PARPBP: variants seen among roughly 807,000 people sequenced by gnomAD.
PARPBP encodes the protein PCNA-interacting partner.
Under a neutral mutation model 50.0 loss-of-function variants are expected in PARPBP, and 52 were observed. The ratio of observed to expected loss-of-function variants is 1.04; its 90% confidence interval spans 0.83 to 1.31. PARPBP has a LOEUF of 1.31. Among genes scored for constraint, PARPBP ranks in the 50% most tolerant of loss-of-function variants. PARPBP has a pLI of 0.00. For missense variants in PARPBP, 697 were observed against 672.0 expected (o/e 1.04, Z -0.41); for synonymous variants, 244 against 232.1 (o/e 1.05, Z -0.47).
At chr12:102,144,289 C>G (rs1324968513) in intron 2 of PARPBP, among the ~76,000 whole-genome samples, 1 of 152,130 alleles carries the variant, frequency 6.6e-6, no homozygotes, top group African/African-American at 2.4e-5. Context: ...ATATGTAACT[C>G]TTGATTTTCT....
At chr12:102,155,865 C>T (rs758468238) in intron 4 of PARPBP, among the ~76,000 whole-genome samples, 1 of 152,230 alleles carries the variant, frequency 6.6e-6, no homozygotes, top group Non-Finnish European at 1.5e-5. Flanking sequence ...CTCATTGCTG[C>T]TCCCAAGCGG....
chr12:102,146,907 G>A (rs899465484), intron 2 of PARPBP, among the ~76,000 whole-genome samples: 14 of 152,220 alleles, frequency 9.2e-5, no homozygotes, highest in African/African-American at 2.6e-4. Flanking sequence ...AGTGGGCAAA[G>A]GACATGAACA....
chr12:102,157,849 G>A (rs1038895066), intron 4 of PARPBP, among the ~76,000 whole-genome samples: 2 of 151,780 alleles, frequency 1.3e-5, no homozygotes, highest in Admixed American at 6.6e-5. Flanking sequence ...GGCCAGGCAC[G>A]GTGGCTCACG....
chr12:102,185,944 C>T (rs532418370), intron 9 of PARPBP, among the ~76,000 whole-genome samples: 10 of 152,002 alleles, frequency 6.6e-5, no homozygotes, highest in Non-Finnish European at 1.3e-4. Flanking sequence ...ATGAGCCACC[C>T]GGCCCAGCTG....
At chr12:102,175,412 A>G (rs1397943695) in intron 6 of PARPBP, 71 bp from the exon 7 acceptor site, 4 of 959,080 alleles carry the variant, frequency 4.2e-6, no homozygotes, top group Admixed American at 2.4e-5. Flanking sequence ...TCTGAAAATT[A>G]TATTTTCAAG....
intron 2 of PARPBP, 102 bp from the exon 3 acceptor site, chr12:102,148,128 A>C (rs548217913): frequency 1.8e-6 from 1 of 544,040 alleles, no homozygotes; most frequent in Non-Finnish European, 3.1e-6. Context: ...TTGAATGTAG[A>C]CTTTACCAAA....
chr12:102,128,072 C>T (rs1397960575), intron 2 of PARPBP, among the ~76,000 whole-genome samples: 1 of 152,098 alleles, frequency 6.6e-6, no homozygotes, highest in Non-Finnish European at 1.5e-5. Context: ...AAGGATACAA[C>T]AGTGTTATTA....
chr12:102,121,637 TC>T (rs1295806491), intron 1 of PARPBP, among the ~76,000 whole-genome samples: 1 of 147,566 alleles, frequency 6.8e-6, no homozygotes, highest in Non-Finnish European at 1.5e-5. Context: ...CACTGCAACT[TC>T]CGCCTCCCTG....
At chr12:102,195,488 C>G (rs373801164) in intron 10 of PARPBP, 41 bp downstream of exon 10, 1 of 1,429,474 alleles carries the variant, frequency 7.0e-7, no homozygotes, top group Non-Finnish European at 9.7e-7. Context: ...CAATTTAATT[C>G]TAGTCTACTA....
At chr12:102,139,976 A>G (rs1290781982) in intron 2 of PARPBP, among the ~76,000 whole-genome samples, 2 of 152,200 alleles carry the variant, frequency 1.3e-5, no homozygotes. Flanking sequence ...AGGCTTTGGT[A>G]TCAGGATGAT....
In PARPBP at chr12:102,146,902, G is replaced by A. The variant is rs946658116; in HGVS notation, c.154-1328G>A. 8.5e-5 allele frequency among the ~76,000 whole-genome samples: 13 copies of A among 152,178 alleles called. 1 individual carries two copies. Among genetic ancestry groups the A allele is most frequent in the Admixed American group, 1.3e-4 (2 of 15,280 alleles). ...AACAAACAACCCCATCAAAAAGTGGGCAAAGGACATGAACAGACACTTCTC... is the reference window on the plus strand; with the variant it reads ...AACAAACAACCCCATCAAAAAGTGGACAAAGGACATGAACAGACACTTCTC... On this transcript the variant is annotated intron_variant, in intron 2 of 10. Coordinates refer to ENST00000327680, the MANE Select transcript of PARPBP (RefSeq NM_017915.5).
At chr12:102,134,008 A>G (rs1050434182) in intron 2 of PARPBP, among the ~76,000 whole-genome samples, 1 of 152,092 alleles carries the variant, frequency 6.6e-6, no homozygotes, top group Non-Finnish European at 1.5e-5. Context: ...CTACATTGAA[A>G]GAAAAAAAGA....
At chr12:102,148,657 TTG>T in intron 3 of PARPBP, 194 bp downstream of exon 3, 1 of 434,334 alleles carries the variant, frequency 2.3e-6, no homozygotes, top group Non-Finnish European at 4.0e-6. Flanking sequence ...TTTCTTGGAC[TTG>T]TGTTATTGTT....
rs1200942553 is a variant in PARPBP at position 102,165,722 on chromosome 12, T to G, written c.667-7T>G. The G allele has an allele frequency of 2.5e-6, 4 of 1,597,098 alleles. No individual in the cohort carries two copies. The highest frequency in any genetic ancestry group is 1.8e-5 in the Admixed American group (1 of 56,828). On this transcript the variant is annotated splice_polypyrimidine_tract_variant and splice_region_variant and intron_variant, in intron 5 of 10. Transcript: ENST00000327680. ...GACATAACTTATCCGTTTGTTTTAA[T>G]TCATAGGTGGCCACGTCTTTTATTA...
Position 102,196,169 on chromosome 12 carries a change from T to G in PARPBP, c.1618T>G (p.Ser540Ala). The change falls in exon 11 of 11, where the codon TCA (serine) becomes GCA (alanine). Residue 540 changes from serine (S) to alanine (A), a missense_variant. Ser to Ala is a moderately conservative substitution (Grantham distance 99, BLOSUM62 1). Transcript: ENST00000327680. ...TAAAAATGCTAAAATACCTAAGAAA[T>G]CAAATGATTCACAGAATAGATTGTA... ...QHKNAKIPKK[S>A]NDSQNRLYGK... 6.2e-7 allele frequency: 1 copy of G among 1,611,720 alleles called. No individual in the cohort carries two copies. The highest frequency in any genetic ancestry group is 8.5e-7 in the Non-Finnish European group (1 of 1,178,400).
Position 102,137,245 on chromosome 12 carries a change from G to A in PARPBP, c.154-10985G>A, listed in dbSNP as rs539307520. Among the ~76,000 whole-genome samples, 7 of 152,246 alleles carry A rather than the reference G, an allele frequency of 4.6e-5. No homozygotes were observed. In the South Asian group the frequency reaches 1.2e-3, roughly 27 times the overall value. On this transcript the variant is annotated intron_variant, in intron 2 of 10. Coordinates refer to ENST00000327680, the MANE Select transcript of PARPBP (RefSeq NM_017915.5). The stretch of plus-strand genomic sequence containing the variant: ...TAAAATTACAGGCGTGAACCACCAC[G>A]TAAGTTTTTAATTCTCTGAAGTTTG...
chr12:102,193,224 A>G (rs1005840360), intron 9 of PARPBP, among the ~76,000 whole-genome samples: 2 of 152,080 alleles, frequency 1.3e-5, no homozygotes, highest in South Asian at 4.1e-4. Flanking sequence ...TTTTTTACCT[A>G]GACTATATGT....
At chr12:102,169,750 C>A (rs1436826109) in intron 6 of PARPBP, among the ~76,000 whole-genome samples, 1 of 152,078 alleles carries the variant, frequency 6.6e-6, no homozygotes, top group African/African-American at 2.4e-5. Context: ...ACAAATGTTA[C>A]TCCCATAATT....
intron 9 of PARPBP, among the ~76,000 whole-genome samples, chr12:102,193,070 C>T (rs977200347): frequency 2.6e-5 from 4 of 151,352 alleles, no homozygotes; most frequent in Non-Finnish European, 5.9e-5. Context: ...GAATCCATTG[C>T]CTTGTGATGG....
Sources: gnomAD v4.1 joint callset for allele counts (sites outside exome capture counted in the v4.1 genomes callset) on GRCh38, gnomAD v4.1.1 for gene constraint, MANE v1.5 for transcripts, NCBI Gene and HGNC (gene_info 2026-07-23, HGNC 2026-07-21) for gene names.